The following CEP152 variants were observed in gnomAD, a reference collection of about 807,000 sequenced individuals.
CEP152 encodes centrosomal protein 152, also known as centrosomal protein of 152 kDa.
A neutral mutation model predicts 188.9 loss-of-function variants in CEP152; 132 were observed. The ratio of observed to expected loss-of-function variants is 0.70; its 90% CI spans 0.61 to 0.81. The LOEUF is 0.81. CEP152 is among the 30% of genes least tolerant of loss of function. CEP152 has a pLI of 0.00. For missense variants in CEP152, 1,914 were observed against 1,969.8 expected (o/e 0.97, Z 0.54); for synonymous variants, 649 against 666.6 (o/e 0.97, Z 0.41).
Position 48,797,220 on chromosome 15 carries a change from T to C in CEP152, c.540+81A>G, listed in dbSNP as rs369156926. The C allele has an allele frequency of 5.1e-5, 76 of 1,500,492 alleles. No homozygotes were observed. In the East Asian group the frequency reaches 5.2e-4, roughly 10 times the overall value. The allele number at this position is 1,500,492 out of a possible 1,614,324, so 92.9% of individuals were successfully genotyped here. ...AAATCATCTTACCATTGTACTCACA[T>C]ACATTTCCTGAACACACACAAACAT... is the stretch of plus-strand genomic sequence containing the variant. On this transcript the variant is annotated intron_variant, in intron 5 of 26. Coordinates refer to ENST00000380950, the MANE Select transcript of CEP152 (RefSeq NM_001194998.2).
At chr15:48,748,080 G>C (rs936572479) in intron 22 of CEP152, among the ~76,000 whole-genome samples, 2 of 152,076 alleles carry the variant, frequency 1.3e-5, no homozygotes, top group Non-Finnish European at 2.9e-5. Flanking sequence ...TCTGTTGTTA[G>C]ATCTCCTCAC....
chr15:48,777,466 TTG>T (rs35650877), intron 12 of CEP152, among the ~76,000 whole-genome samples: 97,357 of 147,298 alleles, frequency 0.66, 34,188 homozygotes, highest in Non-Finnish European at 0.8. Context: ...TCTTAGAATA[TTG>T]TGTGTGTGTG....
At position 48,788,809 on chromosome 15, in the gene CEP152, T is replaced by C. The variant is rs1350821224; in HGVS notation, c.1165A>G (p.Lys389Glu). 1.9e-6 allele frequency: 3 copies of C among 1,614,056 alleles called. No homozygotes were observed. The highest frequency in any genetic ancestry group is 1.7e-5 in the Admixed American group (1 of 60,012). Reference sequence around the variant, plus strand: ...TTTGAAATCATCCCAACCTGTTCTTTAAGTGCGGTGACTGTGGCATCCAAA... The same window carrying C: ...TTTGAAATCATCCCAACCTGTTCTTCAAGTGCGGTGACTGTGGCATCCAAA... Reference protein sequence around the residue: ...KNLDATVTALKEQEDICSRLK... With the variant: ...KNLDATVTALEEQEDICSRLK... The change falls in exon 9 of 27, where the codon AAA (lysine) becomes GAA (glutamate). Residue 389 changes from lysine to glutamate, a missense_variant. Physicochemically the swap from Lys to Glu is moderately conservative, Grantham distance 56 (BLOSUM62 1). Coordinates refer to ENST00000380950, the MANE Select transcript of CEP152 (RefSeq NM_001194998.2).
At position 48,762,688 on chromosome 15, in the gene CEP152, A is replaced by G. The variant is rs754789953; in HGVS notation, c.2281-16T>C. 3.1e-6 allele frequency: 5 copies of G among 1,612,152 alleles called. No individual in the cohort carries two copies. In the East Asian group the frequency reaches 8.9e-5, roughly 29 times the overall value. On this transcript the variant is annotated splice_polypyrimidine_tract_variant and intron_variant, in intron 17 of 26. Transcript: ENST00000380950. ...TTTCTTTGATCTGTTTTCAGAAGAA[A>G]AATCATACGAGAAGAACAATTTTCA...
At chr15:48,790,218 C>T (rs1482640204) in intron 8 of CEP152, among the ~76,000 whole-genome samples, 1 of 152,130 alleles carries the variant, frequency 6.6e-6, no homozygotes, top group African/African-American at 2.4e-5. Flanking sequence ...TTGTGCCAGG[C>T]AGGGTTCTAA....
intron 11 of CEP152, 77 bp downstream of exon 11, chr15:48,782,062 C>T: frequency 7.4e-7 from 1 of 1,344,038 alleles, no homozygotes. Context: ...TACAGAGAAA[C>T]CCAAGATTCA....
chr15:48,798,434 G>A (rs1000989367), intron 2 of CEP152, among the ~76,000 whole-genome samples: 24 of 152,126 alleles, frequency 1.6e-4, no homozygotes, highest in Non-Finnish European at 1.9e-4. Context: ...AGACCTTGGG[G>A]AATTGACAAT....
Position 48,796,111 on chromosome 15 carries a change from G to C in CEP152, c.590C>G (p.Pro197Arg). The change falls in exon 6 of 27, where the codon CCT (proline) becomes CGT (arginine). Residue 197 changes from proline to arginine, a missense_variant. Coordinates refer to ENST00000380950, the MANE Select transcript of CEP152 (RefSeq NM_001194998.2). ...ATTATTCTGGGCAGAAGACTGATAA[G>C]GTTTATATGTCACTTTATTATACGG... ...LEPYNKVTYK[P>R]YQSSAQNNGS... 1 of 1,613,812 alleles carries C rather than the reference G, an allele frequency of 6.2e-7. No homozygotes were observed. The highest frequency in any genetic ancestry group is 8.5e-7 in the Non-Finnish European group (1 of 1,179,838).
chr15:48,769,505 T>C (rs1363399600), intron 13 of CEP152, among the ~76,000 whole-genome samples: 2 of 152,218 alleles, frequency 1.3e-5, no homozygotes, highest in Non-Finnish European at 2.9e-5. Context: ...AATCAGGTTA[T>C]GCATCTTTGG....
intron 9 of CEP152, among the ~76,000 whole-genome samples, chr15:48,786,945 T>C (rs1401493657): frequency 6.6e-6 from 1 of 152,038 alleles, no homozygotes; most frequent in Non-Finnish European, 1.5e-5. Context: ...CAACAGAGAA[T>C]GGAGACCCCC....
chr15:48,785,099 G>A (rs911285134), intron 9 of CEP152, among the ~76,000 whole-genome samples: 15 of 152,146 alleles, frequency 9.9e-5, no homozygotes, highest in Non-Finnish European at 1.5e-5. Flanking sequence ...AAAGGGCTTT[G>A]AAGTAGAGAA....
At chr15:48,765,090 A>T (rs900998463) in intron 17 of CEP152, among the ~76,000 whole-genome samples, 7 of 152,164 alleles carry the variant, frequency 4.6e-5, no homozygotes, top group Non-Finnish European at 8.8e-5. Flanking sequence ...TGACTGGCTT[A>T]TACTACTAAG....
Position 48,788,765 on chromosome 15 carries a change from T to C in CEP152, c.1173+36A>G, listed in dbSNP as rs757132168. On this transcript the variant is annotated intron_variant, in intron 9 of 26. Transcript: ENST00000380950. Reference sequence around the variant, plus strand: ...GTTACAAAACATAACCAGCTTTACTTGTTGATAACAGTTGCTCATTTGAAA... The same window carrying C: ...GTTACAAAACATAACCAGCTTTACTCGTTGATAACAGTTGCTCATTTGAAA... 2.6e-6 allele frequency: 4 copies of C among 1,566,086 alleles called. No individual in the cohort carries two copies. The South Asian group carries it at 4.4e-5, about 17-fold the overall frequency.
intron 9 of CEP152, 57 bp downstream of exon 9, chr15:48,788,744 C>A (rs1399470380): frequency 2.0e-6 from 3 of 1,477,442 alleles, no homozygotes; most frequent in Non-Finnish European, 2.8e-6. Context: ...ATATCAGTTA[C>A]AAAACATAAC....
chr15:48,778,778 C>T lies in CEP152; in HGVS notation c.1577+2418G>A, dbSNP rs1377787978. 4.6e-5 allele frequency among the ~76,000 whole-genome samples: 7 copies of T among 151,962 alleles called. 1 individual carries two copies. The South Asian group carries it at 1.2e-3, about 27-fold the overall frequency. On this transcript the variant is annotated intron_variant, in intron 12 of 26. Transcript: ENST00000380950. The stretch of plus-strand genomic sequence containing the variant: ...CAGCCTGACCAACATGGAGAAACCC[C>T]GTCTCTACTAAAAATACAAAATTAG...
intron 22 of CEP152, among the ~76,000 whole-genome samples, chr15:48,745,583 G>A (rs769814466): frequency 3.3e-5 from 5 of 152,060 alleles, no homozygotes; most frequent in Non-Finnish European, 7.4e-5. Context: ...TGGGATAGGC[G>A]GTGGAGTTAA....
chr15:48,742,666 T>C (rs1200366801), intron 24 of CEP152, among the ~76,000 whole-genome samples: 1 of 152,048 alleles, frequency 6.6e-6, no homozygotes, highest in East Asian at 1.9e-4. Context: ...AAGAGATATG[T>C]ACAAAATGAG....
downstream of CEP152, among the ~76,000 whole-genome samples, chr15:48,734,848 C>A (rs1892544856): frequency 6.6e-6 from 1 of 152,040 alleles, no homozygotes; most frequent in Admixed American, 6.6e-5. Context: ...GGTATATATA[C>A]CTAACAACAA....
downstream of CEP152, among the ~76,000 whole-genome samples, chr15:48,736,782 G>C (rs1050204959): frequency 1.3e-5 from 2 of 152,182 alleles, no homozygotes; most frequent in Non-Finnish European, 2.9e-5. Flanking sequence ...AATGTTGAGA[G>C]TTTAAATAAC....
Sources: gnomAD v4.1 joint callset for allele counts (sites outside exome capture counted in the v4.1 genomes callset) on GRCh38, gnomAD v4.1.1 for gene constraint, MANE v1.5 for transcripts, NCBI Gene and HGNC (gene_info 2026-07-23, HGNC 2026-07-21) for gene names.